Variants in ARK2N observed in about 807,000 individuals in gnomAD.
ARK2N encodes arkadia (RNF111) N-terminal like PKA signaling regulator 2N.
At chr18:46,229,647 C>T in the ARK2N span, among the ~76,000 whole-genome samples, 5 of 151,688 alleles carry the variant, frequency 3.3e-5, no homozygotes, top group South Asian at 1.0e-3. Context: ...GATGAGGTCT[C>T]GCTCTATTGC....
chr18:46,261,640 G>C, the ARK2N span, among the ~76,000 whole-genome samples: 9 of 152,204 alleles, frequency 5.9e-5, no homozygotes, highest in African/African-American at 2.2e-4. Context: ...TATTTCTCTA[G>C]CTAATCTTTG....
the ARK2N span, among the ~76,000 whole-genome samples, chr18:46,257,971 G>T: frequency 1.3e-5 from 2 of 151,534 alleles, no homozygotes; most frequent in Non-Finnish European, 2.9e-5. Flanking sequence ...CTGTCCTCCA[G>T]GCTGGAGTGC....
chr18:46,219,294 G>GT, the ARK2N span: 1 of 151,974 alleles, frequency 6.6e-6, no homozygotes. Context: ...ATATATTGAT[G>GT]TTTTAAGAAT....
At chr18:46,194,011 C>G in the ARK2N span, among the ~76,000 whole-genome samples, 2 of 152,034 alleles carry the variant, frequency 1.3e-5, no homozygotes, top group Non-Finnish European at 2.9e-5. Context: ...TTGTTTGTTT[C>G]TTTCTTTTTT....
the ARK2N span, among the ~76,000 whole-genome samples, chr18:46,244,601 A>ATT: frequency 1.3e-4 from 12 of 93,862 alleles, no homozygotes; most frequent in African/African-American, 4.2e-4. Flanking sequence ...AAGAGTTTAG[A>ATT]TTTTTTTTTT....
At chr18:46,180,804 A>G in the ARK2N span, among the ~76,000 whole-genome samples, 1 of 152,224 alleles carries the variant, frequency 6.6e-6, no homozygotes, top group Non-Finnish European at 1.5e-5. Context: ...TCCTGCTCTA[A>G]AATGTGGAGA....
chr18:46,186,926 C>T, the ARK2N span, among the ~76,000 whole-genome samples: 3 of 151,474 alleles, frequency 2.0e-5, no homozygotes, highest in African/African-American at 7.3e-5. Context: ...ATGATCTAGG[C>T]TCACTGCAAC....
At chr18:46,177,132 A>G in the ARK2N span, among the ~76,000 whole-genome samples, 1 of 152,238 alleles carries the variant, frequency 6.6e-6, no homozygotes, top group East Asian at 1.9e-4. Context: ...GTTTGGGACC[A>G]AATAAAGTTT....
At chr18:46,210,790 G>T in the ARK2N span, among the ~76,000 whole-genome samples, 4 of 152,072 alleles carry the variant, frequency 2.6e-5, no homozygotes, top group East Asian at 5.8e-4. Flanking sequence ...TGCACCTGTA[G>T]TCTCAGCTAC....
At chr18:46,216,792 G>C in the ARK2N span, 1 of 538,462 alleles carries the variant, frequency 1.9e-6, no homozygotes, top group Non-Finnish European at 3.3e-6. The surrounding 1 kb of genome is among the most constrained non-coding windows in gnomAD (Gnocchi z 4.3). Context: ...TAGCACATCA[G>C]GAAAAACAAA....
chr18:46,187,690 T>G, the ARK2N span, among the ~76,000 whole-genome samples: 1 of 152,282 alleles, frequency 6.6e-6, no homozygotes, highest in Non-Finnish European at 1.5e-5. Flanking sequence ...GTTAACTATA[T>G]TCTTGTTTGT....
At chr18:46,194,938 C>CTA in the ARK2N span, among the ~76,000 whole-genome samples, 1 of 151,314 alleles carries the variant, frequency 6.6e-6, no homozygotes, top group East Asian at 1.9e-4. Flanking sequence ...GTACCTGGGA[C>CTA]TACAGGTGTG....
chr18:46,249,553 G>T, the ARK2N span, among the ~76,000 whole-genome samples: 1,628 of 152,224 alleles, frequency 0.011, 14 homozygotes, highest in Non-Finnish European at 0.018. Flanking sequence ...CTCCGTAGTG[G>T]CTACTTCGCT....
At chr18:46,191,733 G>T in the ARK2N span, among the ~76,000 whole-genome samples, 653 of 152,204 alleles carry the variant, frequency 4.3e-3, 5 homozygotes, top group African/African-American at 0.015. Flanking sequence ...CATTGTAGGG[G>T]TATGGGCAAA....
At chr18:46,177,678 C>T in the ARK2N span, among the ~76,000 whole-genome samples, 1 of 151,900 alleles carries the variant, frequency 6.6e-6, no homozygotes, top group Non-Finnish European at 1.5e-5. Flanking sequence ...TCACCTGCCT[C>T]GGCCTCCCAA....
the ARK2N span, among the ~76,000 whole-genome samples, chr18:46,236,868 CTT>C: frequency 4.3e-5 from 6 of 138,816 alleles, no homozygotes; most frequent in Non-Finnish European, 3.1e-5. Flanking sequence ...TTGTTTTTTG[CTT>C]TTTTTTTTTT....
the ARK2N span, among the ~76,000 whole-genome samples, chr18:46,222,367 C>A: frequency 1.3e-5 from 2 of 152,166 alleles, no homozygotes; most frequent in African/African-American, 4.8e-5. Context: ...CAGCACAGTT[C>A]TATATTAATT....
the ARK2N span, chr18:46,264,036 T>C: frequency 6.6e-6 from 1 of 152,370 alleles, no homozygotes; most frequent in African/African-American, 2.4e-5. Context: ...CCGTCTTTCA[T>C]AGCTGGTCTC....
At chr18:46,238,063 G>T in the ARK2N span, among the ~76,000 whole-genome samples, 1 of 152,112 alleles carries the variant, frequency 6.6e-6, no homozygotes, top group Non-Finnish European at 1.5e-5. Flanking sequence ...ACTTTCAGAC[G>T]AGTTATTTTC....
Sources: allele counts gnomAD v4.1 joint callset (sites outside exome capture counted in the v4.1 genomes callset), GRCh38; gene constraint gnomAD v4.1.1; non-coding constraint Gnocchi (gnomAD v3.1); transcripts MANE v1.5; gene names NCBI Gene and HGNC (gene_info 2026-07-23, HGNC 2026-07-21).